The following GRID2 variants were observed in gnomAD, a reference collection of about 807,000 sequenced individuals.
GRID2 encodes glutamate receptor ionotropic, delta-2.
GRID2 carries 33 observed loss-of-function variants against 114.8 expected under a neutral mutation model. That is an observed-to-expected ratio of 0.29 (90% confidence interval 0.22 to 0.38). The LOEUF (loss-of-function observed/expected upper bound fraction) is 0.38. GRID2 is among the 10% of genes least tolerant of loss of function. The probability of loss-of-function intolerance (pLI) is 1.00; values close to 1 mark genes in which losing one functional copy is unlikely to be tolerated. For missense variants in GRID2, 1,184 were observed against 1,257.7 expected (o/e 0.94, Z 0.89); for synonymous variants, 505 against 449.9 (o/e 1.12, Z -1.55).
At chr4:93,114,746 C>A (rs1579029394) in intron 4 of GRID2, among the ~76,000 whole-genome samples, 1 of 152,184 alleles carries the variant, frequency 6.6e-6, no homozygotes, top group East Asian at 1.9e-4. Context: ...CCTATTAGTG[C>A]TGGGAGCAGT....
intron 13 of GRID2, among the ~76,000 whole-genome samples, chr4:93,576,402 A>G (rs958478205): frequency 6.6e-6 from 1 of 152,152 alleles, no homozygotes; most frequent in African/African-American, 2.4e-5. Context: ...TGCTTTGGGA[A>G]GAGATTGAAG....
chr4:93,298,993 A>C (rs1754594044), intron 8 of GRID2, among the ~76,000 whole-genome samples: 1 of 152,260 alleles, frequency 6.6e-6, no homozygotes, highest in African/African-American at 2.4e-5. Flanking sequence ...ATAGGCTAAA[A>C]TAAAATAAAC....
chr4:93,616,817 C>T (rs1741707368), intron 13 of GRID2, among the ~76,000 whole-genome samples: 1 of 150,858 alleles, frequency 6.6e-6, no homozygotes, highest in Non-Finnish European at 1.5e-5. Flanking sequence ...ATAGTGAAAC[C>T]CCATCTCTAC....
intron 2 of GRID2, among the ~76,000 whole-genome samples, chr4:92,826,523 A>G (rs1166955459): frequency 6.6e-6 from 1 of 152,092 alleles, no homozygotes. Flanking sequence ...AGTTCCAAAA[A>G]GAAGTGATTT....
chr4:92,754,177 A>G (rs1737595767), intron 2 of GRID2, among the ~76,000 whole-genome samples: 1 of 152,224 alleles, frequency 6.6e-6, no homozygotes. Flanking sequence ...GAAAAGACTA[A>G]TGTAAACTAC....
intron 2 of GRID2, among the ~76,000 whole-genome samples, chr4:92,707,455 G>T (rs778947476): frequency 6.6e-6 from 1 of 152,166 alleles, no homozygotes; most frequent in African/African-American, 2.4e-5. Context: ...GCCTCATTAT[G>T]CAAGACACCT....
At chr4:93,114,350 C>A (rs959241622) in intron 4 of GRID2, among the ~76,000 whole-genome samples, 1 of 152,092 alleles carries the variant, frequency 6.6e-6, no homozygotes, top group African/African-American at 2.4e-5. Flanking sequence ...ACCTTGTCCC[C>A]CAACCTTGAC....
chr4:93,230,401 C>T (rs1410721394), intron 7 of GRID2, among the ~76,000 whole-genome samples: 1 of 151,918 alleles, frequency 6.6e-6, no homozygotes, highest in Non-Finnish European at 1.5e-5. Flanking sequence ...AAGCAGCATG[C>T]AACAAGTATA....
intron 13 of GRID2, among the ~76,000 whole-genome samples, chr4:93,551,120 C>T (rs1733710144): frequency 6.6e-6 from 1 of 152,168 alleles, no homozygotes; most frequent in South Asian, 2.1e-4. Context: ...AGAAGAGCGC[C>T]TAGTGCATAG....
chr4:92,783,041 A>G (rs1031904504), intron 2 of GRID2, among the ~76,000 whole-genome samples: 1 of 152,118 alleles, frequency 6.6e-6, no homozygotes, highest in African/African-American at 2.4e-5. Flanking sequence ...ATGTGTTGGT[A>G]AAATGTCCAA....
At chr4:92,676,170 C>CCTTT (rs1491203329) in intron 2 of GRID2, among the ~76,000 whole-genome samples, 1 of 49,820 alleles carries the variant, frequency 2.0e-5, no homozygotes, top group Non-Finnish European at 4.4e-5. Flanking sequence ...CCCCCCCCCC[C>CCTTT]TTTTTTTTTT....
At chr4:92,368,124 G>A (rs570298473) in intron 1 of GRID2, among the ~76,000 whole-genome samples, 2 of 152,184 alleles carry the variant, frequency 1.3e-5, no homozygotes, top group African/African-American at 2.4e-5. Context: ...GTATGGGTGC[G>A]GGTCTCAGAG....
chr4:93,395,546 T>C (rs1026625816), intron 8 of GRID2, 61 bp from the exon 9 acceptor site: 29 of 779,166 alleles, frequency 3.7e-5, no homozygotes, highest in Middle Eastern at 2.3e-4. Context: ...ATAAAGACTA[T>C]ACAGAGGTGA....
In GRID2 at chr4:93,045,361, C is replaced by T. The variant is rs1252806059; in HGVS notation, c.245-39634C>T. On this transcript the variant is annotated intron_variant, in intron 2 of 15. Coordinates refer to ENST00000282020, the MANE Select transcript of GRID2 (RefSeq NM_001510.4). ...CTCATGTGGTATCTGCCTAGTTTCC[C>T]TCAGTTTTATGGTTTTACTCCTTTG... 2.0e-5 allele frequency among the ~76,000 whole-genome samples: 3 copies of T among 151,932 alleles called. No individual in the cohort carries two copies. In the East Asian group the frequency reaches 5.8e-4, roughly 29 times the overall value.
At chr4:92,992,294 G>A (rs909122175) in intron 2 of GRID2, among the ~76,000 whole-genome samples, 8 of 152,090 alleles carry the variant, frequency 5.3e-5, no homozygotes, top group African/African-American at 1.9e-4. Flanking sequence ...ATGTCTCTGA[G>A]AATGGATGAT....
rs76729661 is a variant in GRID2, at chr4:93,533,836, G to T, written c.2193+18425G>T. On this transcript the variant is annotated intron_variant, in intron 13 of 15. Transcript: ENST00000282020. The stretch of plus-strand genomic sequence containing the variant: ...ATTTTACTCTACTTTGCCATAGTCT[G>T]CTTTCAATATTGCAATATAAGCGAA... Among the ~76,000 whole-genome samples, 545 of 152,128 alleles carry T rather than the reference G, an allele frequency of 3.6e-3. 5 individuals are homozygous for T. Among genetic ancestry groups the T allele is most frequent in the African/African-American group, 0.012 (503 of 41,520 alleles).
intron 1 of GRID2, among the ~76,000 whole-genome samples, chr4:92,350,615 C>G (rs1728017047): frequency 6.6e-6 from 1 of 151,694 alleles, no homozygotes; most frequent in Non-Finnish European, 1.5e-5. Flanking sequence ...TTCTTCCCTT[C>G]TATCTTTCTT....
At chr4:93,224,323 A>G (rs1462971922) in intron 6 of GRID2, among the ~76,000 whole-genome samples, 1 of 152,182 alleles carries the variant, frequency 6.6e-6, no homozygotes, top group Non-Finnish European at 1.5e-5. Flanking sequence ...ATGATTTTCT[A>G]AGGTCTAACA....
chr4:92,548,401 A>ATTTTTTTTTTTTTTTTTTTT lies in GRID2; in HGVS notation c.89-41712_89-41711insTTTTTTTTTTTTTTTTTTTT, dbSNP rs61653263. On this transcript the variant is annotated intron_variant, in intron 1 of 15. Transcript: ENST00000282020. The stretch of plus-strand genomic sequence containing the variant: ...ATGAAGACATTTCTGAGACTGTGTA[A>ATTTTTTTTTTTTTTTTTTTT]TTTTTTTTTTTTTTTTTTGAGACAG... Among the ~76,000 whole-genome samples the ATTTTTTTTTTTTTTTTTTTT allele has an allele frequency of 2.5e-3, 150 of 60,786 alleles. 45 individuals are homozygous for ATTTTTTTTTTTTTTTTTTTT. The highest frequency in any genetic ancestry group is 5.9e-3 in the African/African-American group (69 of 11,758). 39.9% of individuals were successfully genotyped at this position (60,786 alleles called of 152,430 possible). A position where few individuals can be genotyped will look rare whatever the true frequency, so the allele number is the denominator to read the frequency against.
Sources: allele counts gnomAD v4.1 joint callset (sites outside exome capture counted in the v4.1 genomes callset), GRCh38; gene constraint gnomAD v4.1.1; transcripts MANE v1.5; gene names NCBI Gene and HGNC (gene_info 2026-07-23, HGNC 2026-07-21).